The following HDC variants were observed in gnomAD, a reference collection of about 807,000 sequenced individuals.
HDC encodes histidine decarboxylase.
Under a neutral mutation model 64.4 loss-of-function variants are expected in HDC, and 27 were observed. The ratio of observed to expected loss-of-function variants is 0.42; its 90% CI spans 0.31 to 0.58. The LOEUF is 0.58. HDC is among the 20% of genes least tolerant of loss of function. HDC has a pLI of 0.16. For synonymous variants in HDC, 305 were observed against 314.2 expected (o/e 0.97, Z 0.31); for missense variants, 711 against 833.9 (o/e 0.85, Z 1.81).
Position 50,242,947 on chromosome 15 carries a change from G to A in HDC, c.1302C>T (p.Phe434=). The change falls in exon 12 of 12, where the codon TTC becomes TTT. Residue 434 remains phenylalanine (F), a synonymous_variant. Coordinates refer to ENST00000267845, the MANE Select transcript of HDC (RefSeq NM_002112.4). ...LKEIAKAGRL[F]LIPATIQDKL... ...TGTCCTGGATAGTGGCCGGGATGAGGAAGAGACGGCCAGCTTTAGCTATTT... is the reference window on the plus strand; with the variant it reads ...TGTCCTGGATAGTGGCCGGGATGAGAAAGAGACGGCCAGCTTTAGCTATTT... 1 of 1,613,976 alleles carries A rather than the reference G, an allele frequency of 6.2e-7. No individual in the cohort carries two copies. The highest frequency in any genetic ancestry group is 8.5e-7 in the Non-Finnish European group (1 of 1,179,878).
chr15:50,251,831 C>CAA (rs749169344), intron 9 of HDC, among the ~76,000 whole-genome samples: 99 of 123,594 alleles, frequency 8.0e-4, no homozygotes, highest in African/African-American at 2.2e-3. Flanking sequence ...GACTCTGTCT[C>CAA]AGAAAAAAAA....
intron 3 of HDC, 114 bp downstream of exon 3, chr15:50,258,290 C>T (rs1322597365): frequency 1.4e-6 from 1 of 714,116 alleles, no homozygotes; most frequent in African/African-American, 1.8e-5. Context: ...ATATAGCCCT[C>T]ATTAATATTT....
chr15:50,263,818 G>T (rs1236874861), intron 1 of HDC, among the ~76,000 whole-genome samples: 1 of 152,070 alleles, frequency 6.6e-6, no homozygotes, highest in Non-Finnish European at 1.5e-5. Context: ...GCCGAGGGTA[G>T]GATCTGATCC....
In HDC at chr15:50,254,583, C is replaced by T. The variant is rs190015441; in HGVS notation, c.523G>A (p.Asp175Asn). The T allele has an allele frequency of 9.5e-5, 153 of 1,614,222 alleles. No homozygotes were observed. In the East Asian group the frequency reaches 1.9e-3, roughly 20 times the overall value. The stretch of plus-strand genomic sequence containing the variant: ...GCATTTAGGCAGGACTCATCAGCAT[C>T]GGGCTCAGACGTTTTCATTTCCAGG... ...KILEMKTSEP[D>N]ADESCLNARL... is the part of the protein sequence containing the mutation. Residue 175 changes from aspartate to asparagine, a missense_variant, in exon 5 of 12, where the codon GAT (aspartate) becomes AAT (asparagine). Physicochemically the swap from Asp to Asn is conservative, Grantham distance 23. This residue lies in a region of HDC where 225 missense variants were observed against 276.2 expected (regional missense o/e 0.81). Coordinates refer to ENST00000267845, the MANE Select transcript of HDC (RefSeq NM_002112.4).
rs141930465 is a variant in HDC, at chr15:50,255,209, G to A, written c.442-545C>T. 1.1e-4 allele frequency among the ~76,000 whole-genome samples: 17 copies of A among 152,288 alleles called. No individual in the cohort carries two copies. In the East Asian group the frequency reaches 3.3e-3, roughly 29 times the overall value. ...CATCCCTTTAACTGCTTCCCAGGATGGGAGTATAGATTATCCAAACAAGGG... is the reference window on the plus strand; with the variant it reads ...CATCCCTTTAACTGCTTCCCAGGATAGGAGTATAGATTATCCAAACAAGGG... On this transcript the variant is annotated intron_variant, in intron 4 of 11. Transcript: ENST00000267845.
At chr15:50,262,228 G>A (rs1417693815) in intron 2 of HDC, among the ~76,000 whole-genome samples, 1 of 152,134 alleles carries the variant, frequency 6.6e-6, no homozygotes, top group South Asian at 2.1e-4. Flanking sequence ...AGGTGACAGA[G>A]GGTAGGAGAA....
chr15:50,263,504 A>G, intron 1 of HDC, 97 bp from the exon 2 acceptor site: 1 of 1,227,794 alleles, frequency 8.1e-7, no homozygotes, highest in Non-Finnish European at 1.2e-6. Flanking sequence ...GACTTGGTAA[A>G]GAAGGAGATG....
Position 50,258,437 on chromosome 15 carries a change from C to G in HDC, c.285G>C (p.Leu95=). 6.2e-7 allele frequency: 1 copy of G among 1,613,460 alleles called. No homozygotes were observed. The highest frequency in any genetic ancestry group is 8.5e-7 in the Non-Finnish European group (1 of 1,179,486). Residue 95 remains leucine, a synonymous_variant, in exon 3 of 12, where the codon CTG becomes CTC. Coordinates refer to ENST00000267845, the MANE Select transcript of HDC (RefSeq NM_002112.4). ...TSWPSLLGDM[L]ADAINCLGFT... Reference sequence around the variant, plus strand: ...ATCCCAAGCAGTTGATGGCATCAGCCAGCATGTCTCCTAGCAGGGAGGGCC... The same window carrying G: ...ATCCCAAGCAGTTGATGGCATCAGCGAGCATGTCTCCTAGCAGGGAGGGCC...
Position 50,243,136 on chromosome 15 carries a change from G to C in HDC, c.1242+7C>G. 2 of 1,612,088 alleles carry C rather than the reference G, an allele frequency of 1.2e-6. No homozygotes were observed. Among genetic ancestry groups the C allele is most frequent in the Non-Finnish European group, 1.7e-6 (2 of 1,178,132 alleles). ...CATTCACAGAGGGGCTTGGAAGATG[G>C]TATTACCTTTAGACGAAAAACCACC... is the stretch of plus-strand genomic sequence containing the variant. On this transcript the variant is annotated splice_region_variant and intron_variant, in intron 11 of 11. Transcript: ENST00000267845.
intron 10 of HDC, among the ~76,000 whole-genome samples, chr15:50,247,476 C>T (rs1219724940): frequency 6.6e-6 from 1 of 152,056 alleles, no homozygotes; most frequent in Non-Finnish European, 1.5e-5. Flanking sequence ...GAAGGAATTC[C>T]CTAGAGGAAA....
chr15:50,242,386 G>A lies in HDC; in HGVS notation c.1863C>T (p.Asp621=). ...AGGCACTTTTCTTCAGCATCATCAT[G>A]TCTTCTGGAAACCTGGAAAAGATTC... ...RVRIFSRFPE[D]MMMLKKSAFK... The change falls in exon 12 of 12, where the codon GAC becomes GAT. Residue 621 remains aspartate, a synonymous_variant. Coordinates refer to ENST00000267845, the MANE Select transcript of HDC (RefSeq NM_002112.4). 11 of 1,614,152 alleles carry A rather than the reference G, an allele frequency of 6.8e-6. No homozygotes were observed. Among genetic ancestry groups the A allele is most frequent in the Non-Finnish European group, 9.3e-6 (11 of 1,180,030 alleles).
chr15:50,245,165 G>A (rs914306824), intron 10 of HDC, among the ~76,000 whole-genome samples: 3 of 152,202 alleles, frequency 2.0e-5, no homozygotes, highest in Non-Finnish European at 4.4e-5. Flanking sequence ...GCCCTGCACC[G>A]CTCTAGGTCA....
At chr15:50,257,327 G>A (rs1595709257) in intron 4 of HDC, 98 bp downstream of exon 4, 1 of 1,487,090 alleles carries the variant, frequency 6.7e-7, no homozygotes, top group Non-Finnish European at 9.4e-7. Context: ...TAATGTGGGG[G>A]AAACTCCATG....
At chr15:50,260,268 G>T (rs1050217343) in intron 2 of HDC, among the ~76,000 whole-genome samples, 1 of 152,016 alleles carries the variant, frequency 6.6e-6, no homozygotes, top group South Asian at 2.1e-4. Context: ...TGATCCACCC[G>T]CCTCAGCCTC....
chr15:50,248,123 C>A lies in HDC; in HGVS notation c.1140+122G>T. The A allele has an allele frequency of 1.4e-6, 1 of 728,676 alleles. No homozygotes were observed. Among genetic ancestry groups the A allele is most frequent in the Non-Finnish European group, 2.5e-6 (1 of 404,554 alleles). 45.1% of individuals were successfully genotyped at this position (728,676 alleles called of 1,614,324 possible). A position where few individuals can be genotyped will look rare whatever the true frequency, so the allele number is the denominator to read the frequency against. On this transcript the variant is annotated intron_variant, in intron 10 of 11. Transcript: ENST00000267845. This position sits in a 1 kb window ranked among gnomAD's most constrained non-coding sequence, Gnocchi z 4.3. ...AAGTCCCAGGAGCTGAGGAACAGGC[C>A]CAGACACCTGAACCACACACCGCAA...
chr15:50,247,582 G>A (rs2045498863), intron 10 of HDC, among the ~76,000 whole-genome samples: 1 of 152,114 alleles, frequency 6.6e-6, no homozygotes, highest in Non-Finnish European at 1.5e-5. Flanking sequence ...GTGGACTCTT[G>A]TAGAAGTGGG....
At chr15:50,261,847 T>C (rs2045707874) in intron 2 of HDC, among the ~76,000 whole-genome samples, 1 of 151,910 alleles carries the variant, frequency 6.6e-6, no homozygotes, top group Non-Finnish European at 1.5e-5. Flanking sequence ...GTAGCTGGGA[T>C]TACAGGCATG....
intron 7 of HDC, 64 bp from the exon 8 acceptor site, chr15:50,252,838 T>A (rs143247208): frequency 6.6e-7 from 1 of 1,512,656 alleles, no homozygotes; most frequent in East Asian, 2.4e-5. Context: ...GTCTCGCACC[T>A]GGCCAAGCTG....
Position 50,258,468 on chromosome 15 carries a change from G to A in HDC, c.254C>T (p.Thr85Ile), listed in dbSNP as rs2045661101. 6.2e-7 allele frequency: 1 copy of A among 1,613,774 alleles called. No homozygotes were observed. The highest frequency in any genetic ancestry group is 1.1e-5 in the South Asian group (1 of 91,068). Residue 85 changes from threonine to isoleucine, a missense_variant, in exon 3 of 12, where the codon ACC (threonine) becomes ATC (isoleucine). By Grantham distance (89) the Thr-to-Ile change is moderately conservative (BLOSUM62 -1). This residue lies in a region of HDC where 225 missense variants were observed against 276.2 expected (regional missense o/e 0.81). Coordinates refer to ENST00000267845, the MANE Select transcript of HDC (RefSeq NM_002112.4). ...GTCTCCTAGCAGGGAGGGCCAAGAG[G>A]TGAGGGCTGGGTAGTAGGCGTGCAT... Reference protein sequence around the residue: ...PHMHAYYPALTSWPSLLGDML... With the variant: ...PHMHAYYPALISWPSLLGDML...
Sources: gnomAD v4.1 joint callset for allele counts (sites outside exome capture counted in the v4.1 genomes callset) on GRCh38, gnomAD v4.1.1 for gene constraint, gnomAD v4.1.1 regional missense constraint, Gnocchi (gnomAD v3.1) non-coding constraint, MANE v1.5 for transcripts, NCBI Gene and HGNC (gene_info 2026-07-23, HGNC 2026-07-21) for gene names.